EML1: variants seen among roughly 807,000 people sequenced by gnomAD.
The protein encoded by EML1 is echinoderm microtubule-associated protein-like 1.
Under a neutral mutation model 110.4 loss-of-function variants are expected in EML1, and 27 were observed. The ratio of observed to expected loss-of-function variants is 0.24; its 90% confidence interval spans 0.18 to 0.34. The LOEUF is 0.34. Among genes scored for constraint, EML1 ranks in the 10% least tolerant of loss-of-function variants. The probability of loss-of-function intolerance (pLI) is 1.00; values close to 1 mark genes in which losing one functional copy is unlikely to be tolerated. For synonymous variants in EML1, 344 were observed against 385.8 expected, an observed-to-expected ratio of 0.89 and a Z score of 1.27; for missense variants, 741 against 1,030.9, an observed-to-expected ratio of 0.72 and a Z score of 3.85.
intron 2 of EML1, among the ~76,000 whole-genome samples, chr14:99,860,509 A>G (rs2139864338): frequency 6.6e-6 from 1 of 152,256 alleles, no homozygotes; most frequent in Non-Finnish European, 1.5e-5. Context: ...ACTCAACACT[A>G]GGAGGTATTT....
At chr14:99,791,488 C>G (rs944634642), upstream of EML1, among the ~76,000 whole-genome samples, 2 of 152,210 alleles carry the variant, frequency 1.3e-5, no homozygotes, top group Non-Finnish European at 2.9e-5. Context: ...TCTTTAGAGA[C>G]TTCATCTACA....
intron 1 of EML1, among the ~76,000 whole-genome samples, chr14:99,840,639 G>A (rs548902959): frequency 3.9e-5 from 6 of 152,252 alleles, no homozygotes; most frequent in African/African-American, 1.2e-4. Flanking sequence ...AACATCTCAC[G>A]ATAAAGGGAA....
intron 1 of EML1, among the ~76,000 whole-genome samples, chr14:99,765,245 G>A (rs894823851): frequency 2.6e-5 from 4 of 151,894 alleles, no homozygotes; most frequent in East Asian, 1.9e-4. Context: ...TGCCCAGCCC[G>A]TCTTAACCAT....
upstream of EML1, among the ~76,000 whole-genome samples, chr14:99,768,971 G>T (rs1046386742): frequency 6.6e-6 from 1 of 152,128 alleles, no homozygotes; most frequent in Non-Finnish European, 1.5e-5. Context: ...GCCTGCCTTG[G>T]CCTCCCAAAG....
rs553895497 is a variant in EML1, at chr14:99,939,216, G to A, written c.2211G>A (p.Ser737=). The change falls in exon 21 of 22, where the codon TCG becomes TCA. Residue 737 remains serine (S), a synonymous_variant. Coordinates refer to ENST00000262233, the MANE Select transcript of EML1 (RefSeq NM_004434.3). The surrounding 1 kb of genome is among the most constrained non-coding windows in gnomAD (Gnocchi z 4.2). ...TTTTAGGAGTGTGGCCAGAAGGCTC[G>A]GACGGAACCGACATCAATGCCGTCT... ...FHVFGVWPEG[S]DGTDINAVCR... 1.4e-5 allele frequency: 22 copies of A among 1,614,158 alleles called. No homozygotes were observed. Among genetic ancestry groups the A allele is most frequent in the African/African-American group, 5.3e-5 (4 of 75,038 alleles).
intron 9 of EML1, among the ~76,000 whole-genome samples, chr14:99,902,111 C>G (rs1330740656): frequency 6.6e-6 from 1 of 152,118 alleles, no homozygotes; most frequent in Non-Finnish European, 1.5e-5. Flanking sequence ...AAGGTGATAT[C>G]TGGAAGATTA....
At chr14:99,770,996 G>A (rs2057422364), upstream of EML1, among the ~76,000 whole-genome samples, 1 of 151,938 alleles carries the variant, frequency 6.6e-6, no homozygotes, top group Non-Finnish European at 1.5e-5. Context: ...ACGTTAGCCA[G>A]GATGGTCTTG....
chr14:99,896,911 C>T (rs1422245756), intron 6 of EML1, among the ~76,000 whole-genome samples: 2 of 151,936 alleles, frequency 1.3e-5, no homozygotes, highest in Non-Finnish European at 2.9e-5. Context: ...AAAATAAAAC[C>T]AAATCATTGT....
intron 1 of EML1, among the ~76,000 whole-genome samples, chr14:99,751,938 G>A (rs928218027): frequency 2.0e-5 from 3 of 152,116 alleles, no homozygotes; most frequent in Admixed American, 6.5e-5. Flanking sequence ...CCTCACATCC[G>A]TTTTACGGGC....
At chr14:99,747,923 A>T (rs1193980036) in intron 1 of EML1, among the ~76,000 whole-genome samples, 1 of 152,146 alleles carries the variant, frequency 6.6e-6, no homozygotes, top group Non-Finnish European at 1.5e-5. Flanking sequence ...ATCTTGAAAC[A>T]CTGAGCTGGT....
intron 1 of EML1, among the ~76,000 whole-genome samples, chr14:99,776,295 G>A (rs953945314): frequency 6.6e-6 from 1 of 152,150 alleles, no homozygotes; most frequent in African/African-American, 2.4e-5. Context: ...GAGGGGTCGG[G>A]AGCTCGAGAC....
intron 6 of EML1, among the ~76,000 whole-genome samples, 175 bp from the exon 7 acceptor site, chr14:99,896,970 T>G (rs1008595704): frequency 2.6e-5 from 4 of 152,220 alleles, no homozygotes; most frequent in African/African-American, 9.6e-5. Flanking sequence ...CTTTACTGCA[T>G]GCCTTTTGGG....
chr14:99,737,808 C>T, exon 1 of EML1: 4 of 1,289,256 alleles, frequency 3.1e-6, no homozygotes, highest in Non-Finnish European at 4.0e-6. Flanking sequence ...GGCTGGTGGC[C>T]AGCCGGCCGC....
intron 1 of EML1, chr14:99,809,707 T>C (rs1423017346): frequency 4.4e-6 from 2 of 456,004 alleles, no homozygotes; most frequent in Non-Finnish European, 8.8e-6. Context: ...CTAGTTGGAT[T>C]TGGCCTGATC....
Position 99,747,830 on chromosome 14 carries a change from TC to T in EML1, c.28+9971del, listed in dbSNP as rs570527473. On this transcript the variant is annotated intron_variant, in intron 1 of 10. Coordinates refer to the EML1 transcript ENST00000554479. The stretch of plus-strand genomic sequence containing the variant: ...CTGCCCCAGGGGTCCCGCTGCAGGG[TC>T]AGCAATGCACGGGAAGGGGCCTCAT... Among the ~76,000 whole-genome samples the T allele has an allele frequency of 1.7e-3, 266 of 152,174 alleles. 2 individuals are homozygous for T. Among genetic ancestry groups the T allele is most frequent in the Non-Finnish European group, 3.0e-3 (201 of 67,984 alleles).
At chr14:99,828,414 A>T (rs1290021797) in intron 1 of EML1, among the ~76,000 whole-genome samples, 1 of 152,222 alleles carries the variant, frequency 6.6e-6, no homozygotes. Context: ...TCAAATGACT[A>T]TCATGGTATC....
At chr14:99,758,736 G>C (rs532625924) in intron 1 of EML1, among the ~76,000 whole-genome samples, 1 of 152,072 alleles carries the variant, frequency 6.6e-6, no homozygotes, top group African/African-American at 2.4e-5. Flanking sequence ...AGGCTTCTGG[G>C]GAGAGGCTGA....
intron 17 of EML1, among the ~76,000 whole-genome samples, chr14:99,924,518 T>C (rs1159770868): frequency 6.6e-6 from 1 of 152,212 alleles, no homozygotes; most frequent in Non-Finnish European, 1.5e-5. Context: ...TATAACAATA[T>C]ATTGTAATAA....
chr14:99,836,195 C>T (rs1239149877), intron 1 of EML1, among the ~76,000 whole-genome samples: 1 of 104,542 alleles, frequency 9.6e-6, no homozygotes, highest in African/African-American at 3.7e-5. Flanking sequence ...TTTAGAACTT[C>T]TTTAATTTCT....
Sources: gnomAD v4.1 joint callset for allele counts (sites outside exome capture counted in the v4.1 genomes callset) on GRCh38, gnomAD v4.1.1 for gene constraint, Gnocchi (gnomAD v3.1) non-coding constraint, MANE v1.5 for transcripts, NCBI Gene and HGNC (gene_info 2026-07-23, HGNC 2026-07-21) for gene names.